Variants in RGPD2 observed in about 807,000 individuals in gnomAD.
RGPD2 encodes RANBP2 like and GRIP domain containing 2.
RGPD2 carries 2 observed loss-of-function variants against 36.0 expected under a neutral mutation model. That is an observed-to-expected ratio of 0.06 (90% CI 0.02 to 0.17). The LOEUF is 0.17. RGPD2 is among the 10% of genes least tolerant of loss of function. The pLI, the probability that RGPD2 is intolerant of heterozygous loss-of-function variation, is 1.00. For synonymous variants in RGPD2, 19 were observed against 163.8 expected (o/e 0.12, Z 6.75); for missense variants, 40 against 464.3 (o/e 0.09, Z 8.40).
At chr2:87,830,329 C>CT (rs1328632958), upstream of RGPD2, among the ~76,000 whole-genome samples, 28 of 152,370 alleles carry the variant, frequency 1.8e-4, no homozygotes, top group African/African-American at 6.7e-4. Context: ...CCTCTGAAAT[C>CT]TATCTAGAGA....
chr2:87,866,881 G>A, the RGPD2 span, among the ~76,000 whole-genome samples: 1 of 152,236 alleles, frequency 6.6e-6, no homozygotes, highest in Non-Finnish European at 1.5e-5. Flanking sequence ...TTTCCTCCCC[G>A]GGCGAGAGGT....
the RGPD2 span, among the ~76,000 whole-genome samples, chr2:87,855,119 T>C: frequency 1.3e-5 from 2 of 151,864 alleles, no homozygotes; most frequent in Admixed American, 1.3e-4. Context: ...TGCTATAAAT[T>C]ACATCCTCAG....
intron 1 of RGPD2, 32 bp downstream of exon 1, chr2:87,825,626 C>G (rs1227356019): frequency 6.6e-7 from 1 of 1,504,954 alleles, no homozygotes; most frequent in Non-Finnish European, 8.9e-7. Context: ...CCGGCCAGGT[C>G]GAGGCCGTCG....
the RGPD2 span, among the ~76,000 whole-genome samples, chr2:87,988,354 A>G: frequency 7.6e-6 from 1 of 132,000 alleles, no homozygotes; most frequent in Non-Finnish European, 1.6e-5. Context: ...TAAGGCAATT[A>G]GGTTACTTTC....
chr2:87,842,034 A>C, the RGPD2 span, among the ~76,000 whole-genome samples: 1 of 150,578 alleles, frequency 6.6e-6, no homozygotes, highest in African/African-American at 2.5e-5. Context: ...AACTCTCAAT[A>C]AATTAGGTAT....
the RGPD2 span, among the ~76,000 whole-genome samples, chr2:87,875,869 T>C: frequency 6.6e-6 from 1 of 152,226 alleles, no homozygotes; most frequent in African/African-American, 2.4e-5. Context: ...TGGTAGGCTA[T>C]TTATTAGTGG....
At chr2:87,866,450 G>A in the RGPD2 span, among the ~76,000 whole-genome samples, 2 of 152,240 alleles carry the variant, frequency 1.3e-5, no homozygotes, top group African/African-American at 4.8e-5. Flanking sequence ...AAATTGCTAT[G>A]TTATAACATC....
chr2:87,962,031 A>C, the RGPD2 span, among the ~76,000 whole-genome samples: 579 of 148,362 alleles, frequency 3.9e-3, 2 homozygotes, highest in African/African-American at 0.013. Flanking sequence ...TTGTCTCAAA[A>C]AAAAAAAAAA....
At chr2:87,958,400 T>A in the RGPD2 span, among the ~76,000 whole-genome samples, 1 of 151,750 alleles carries the variant, frequency 6.6e-6, no homozygotes, top group African/African-American at 2.4e-5. Context: ...TAGTGGGGAA[T>A]TTTTTTTAAT....
At chr2:87,802,822 TAAG>T in intron 7 of RGPD2, among the ~76,000 whole-genome samples, 1 of 24,382 alleles carries the variant, frequency 4.1e-5, no homozygotes, top group East Asian at 7.1e-4. Flanking sequence ...GCACACAAAG[TAAG>T]AAACAAAATG....
At chr2:87,837,414 G>T in the RGPD2 span, among the ~76,000 whole-genome samples, 2 of 140,588 alleles carry the variant, frequency 1.4e-5, no homozygotes, top group East Asian at 4.2e-4. Flanking sequence ...ATATCAATAA[G>T]ATTTCTGAAA....
the RGPD2 span, among the ~76,000 whole-genome samples, chr2:87,831,485 C>A: frequency 6.6e-6 from 1 of 151,554 alleles, no homozygotes; most frequent in Non-Finnish European, 1.5e-5. Flanking sequence ...ACAAAGAGAA[C>A]CCCATGTATA....
the RGPD2 span, among the ~76,000 whole-genome samples, chr2:87,982,404 AC>A: frequency 1.3e-5 from 1 of 79,348 alleles, no homozygotes; most frequent in Non-Finnish European, 2.8e-5. Flanking sequence ...CAAAAAGTTA[AC>A]CCCAAATGCA....
intron 22 of RGPD2, among the ~76,000 whole-genome samples, chr2:87,763,316 TCTGG>T (rs1487567539): frequency 6.7e-6 from 1 of 149,368 alleles, no homozygotes; most frequent in African/African-American, 2.5e-5. Flanking sequence ...TGCCAACACG[TCTGG>T]CTAATTTTTT....
chr2:87,790,187 GCTTT>G (rs1685651496), intron 17 of RGPD2, among the ~76,000 whole-genome samples: 2 of 120,762 alleles, frequency 1.7e-5, no homozygotes, highest in Admixed American at 8.7e-5. Flanking sequence ...TAGCATGTCT[GCTTT>G]CTTTTTCTAC....
the RGPD2 span, among the ~76,000 whole-genome samples, chr2:87,922,064 C>A: frequency 6.6e-6 from 1 of 151,362 alleles, no homozygotes; most frequent in African/African-American, 2.4e-5. Flanking sequence ...GAGGCTGAGG[C>A]GGGCGGATCA....
the RGPD2 span, among the ~76,000 whole-genome samples, chr2:87,883,072 TC>T: frequency 6.6e-6 from 1 of 152,154 alleles, no homozygotes; most frequent in East Asian, 1.9e-4. Context: ...TAATTATGTG[TC>T]TATTATAAAG....
intron 20 of RGPD2, chr2:87,781,074 T>C: frequency 5.8e-5 from 4 of 68,420 alleles, no homozygotes; most frequent in Non-Finnish European, 7.4e-5. Context: ...CTTCATTTCA[T>C]ACAGCCACAG....
chr2:87,834,538 A>G, the RGPD2 span, among the ~76,000 whole-genome samples: 1 of 152,106 alleles, frequency 6.6e-6, no homozygotes, highest in Non-Finnish European at 1.5e-5. Context: ...GAAAAAATAG[A>G]TTTTTTGCTT....
Sources: allele counts gnomAD v4.1 joint callset (sites outside exome capture counted in the v4.1 genomes callset), GRCh38; gene constraint gnomAD v4.1.1; transcripts MANE v1.5; gene names NCBI Gene and HGNC (gene_info 2026-07-23, HGNC 2026-07-21).